The following TDRD9 variants were observed in gnomAD, a reference collection of about 807,000 sequenced individuals.
TDRD9 encodes the protein tudor domain containing 9, also known as ATP-dependent RNA helicase TDRD9.
A neutral mutation model predicts 172.6 loss-of-function variants in TDRD9; 124 were observed. The observed-to-expected ratio is 0.72, with a 90% CI of 0.62 to 0.83. The LOEUF is 0.83. TDRD9 is among the 40% of genes least tolerant of loss of function. The pLI, the probability that TDRD9 is intolerant of heterozygous loss-of-function variation, is 0.00. For missense variants in TDRD9, 1,479 were observed against 1,714.1 expected (o/e 0.86, Z 2.42); for synonymous variants, 619 against 617.1 (o/e 1.00, Z -0.05).
chr14:103,967,631 C>G (rs1227980989), intron 5 of TDRD9, among the ~76,000 whole-genome samples: 1 of 152,164 alleles, frequency 6.6e-6, no homozygotes, highest in East Asian at 1.9e-4. Context: ...ACAACATATA[C>G]TCCAGGCAAA....
chr14:104,034,470 G>A (rs539830214), intron 31 of TDRD9, among the ~76,000 whole-genome samples: 4 of 152,176 alleles, frequency 2.6e-5, no homozygotes, highest in African/African-American at 7.2e-5. Flanking sequence ...GATTACAGGC[G>A]TGAGCCACCG....
intron 28 of TDRD9, among the ~76,000 whole-genome samples, chr14:104,027,894 A>G (rs2035171796): frequency 6.6e-6 from 1 of 151,788 alleles, no homozygotes; most frequent in Non-Finnish European, 1.5e-5. Flanking sequence ...CCTCCTCTCT[A>G]CTTCCATTAT....
intron 1 of TDRD9, among the ~76,000 whole-genome samples, chr14:103,937,456 A>G (rs749820393): frequency 2.0e-5 from 3 of 152,136 alleles, no homozygotes; most frequent in Non-Finnish European, 4.4e-5. Context: ...CTCCGTAGCT[A>G]AAGCAGCCCT....
intron 33 of TDRD9, 60 bp downstream of exon 33, chr14:104,040,394 G>C: frequency 4.8e-6 from 7 of 1,454,930 alleles, no homozygotes; most frequent in Non-Finnish European, 6.4e-6. Flanking sequence ...TTGCTTACCT[G>C]ACAGTGAGTG....
chr14:104,001,488 C>T (rs4906400), intron 13 of TDRD9, among the ~76,000 whole-genome samples: 3,425 of 152,164 alleles, frequency 0.023, 146 homozygotes, highest in Admixed American at 0.12. Flanking sequence ...CAATTCTTGC[C>T]GTGTAAATAA....
chr14:104,032,136 T>C (rs971288264), intron 30 of TDRD9, 49 bp downstream of exon 30: 16 of 1,079,760 alleles, frequency 1.5e-5, no homozygotes, highest in Non-Finnish European at 1.9e-5. Context: ...TGCTTTTCTG[T>C]TTATAGATCT....
rs762434865 is a variant in TDRD9 at position 104,034,947 on chromosome 14, A to G, written c.3620-13A>G. On this transcript the variant is annotated splice_polypyrimidine_tract_variant and intron_variant, in intron 31 of 35. Transcript: ENST00000409874. The stretch of plus-strand genomic sequence containing the variant: ...AGTTAATGCCCGATGTTGATTTAGC[A>G]TGACTTGAACAGGATCTACGATGCT... 126 of 1,548,832 alleles carry G rather than the reference A, an allele frequency of 8.1e-5. 1 individual carries two copies. Among genetic ancestry groups the G allele is most frequent in the Non-Finnish European group, 1.1e-4 (124 of 1,144,782 alleles).
Position 104,022,296 on chromosome 14 carries a change from C to T in TDRD9, c.2572C>T (p.Gln858Ter), listed in dbSNP as rs79863141. The T allele has an allele frequency of 6.2e-7, 1 of 1,613,748 alleles. No homozygotes were observed. Among genetic ancestry groups the T allele is most frequent in the Non-Finnish European group, 8.5e-7 (1 of 1,179,832 alleles). The change falls in exon 24 of 36, where the codon CAA becomes TAA. Residue 858 changes from glutamine (Q) to a stop codon, truncating the protein, a stop_gained. Coordinates refer to ENST00000409874, the MANE Select transcript of TDRD9 (RefSeq NM_153046.3). LOFTEE classifies it high-confidence loss of function. Reference protein sequence around the residue: ...HSAEEIEGKVQGMNVSKLRNT... With the variant: ...HSAEEIEGKV ...TGCAGAGGAAATTGAAGGGAAGGTG[C>T]AAGGCATGAACGTCTCAAAGCTCAG...
At chr14:104,034,794 A>C (rs2035399033) in intron 31 of TDRD9, among the ~76,000 whole-genome samples, 166 bp from the exon 32 acceptor site, 1 of 152,210 alleles carries the variant, frequency 6.6e-6, no homozygotes, top group South Asian at 2.1e-4. Context: ...GTACTGTGGA[A>C]ACAGAGAACA....
At chr14:104,042,245 T>G in intron 34 of TDRD9, 58 bp downstream of exon 34, 3 of 1,160,554 alleles carry the variant, frequency 2.6e-6, no homozygotes, top group Non-Finnish European at 3.9e-6. Flanking sequence ...TCAGCTGCCT[T>G]GATCATGGCT....
At chr14:104,009,738 C>A (rs183681870) in intron 20 of TDRD9, among the ~76,000 whole-genome samples, 6 of 151,916 alleles carry the variant, frequency 3.9e-5, no homozygotes, top group Admixed American at 1.3e-4. Flanking sequence ...TTCTTTATAT[C>A]CTTATTCTAT....
chr14:104,014,231 C>CAA (rs370386257), intron 20 of TDRD9, among the ~76,000 whole-genome samples: 3 of 103,174 alleles, frequency 2.9e-5, no homozygotes, highest in Non-Finnish European at 6.1e-5. Flanking sequence ...GAGACTGTCT[C>CAA]AAAAAAAAAA....
intron 34 of TDRD9, 56 bp downstream of exon 34, chr14:104,042,243 C>T: frequency 8.3e-7 from 1 of 1,204,184 alleles, no homozygotes; most frequent in East Asian, 2.4e-5. Flanking sequence ...TCTCAGCTGC[C>T]TTGATCATGG....
intron 1 of TDRD9, among the ~76,000 whole-genome samples, chr14:103,937,160 G>C (rs939169673): frequency 6.6e-6 from 1 of 152,174 alleles, no homozygotes; most frequent in African/African-American, 2.4e-5. Context: ...GCACATGTGT[G>C]ATCTCCTGTG....
In TDRD9 at chr14:104,032,087, G is replaced by C; in HGVS notation, c.3509G>C (p.Arg1170Thr). The C allele has an allele frequency of 6.5e-7, 1 of 1,539,034 alleles. No homozygotes were observed. The highest frequency in any genetic ancestry group is 8.8e-7 in the Non-Finnish European group (1 of 1,141,920). The change falls in exon 30 of 36, where the codon AGG becomes ACG. Residue 1170 changes from arginine (R) to threonine (T), a missense_variant and splice_region_variant. Coordinates refer to ENST00000409874, the MANE Select transcript of TDRD9 (RefSeq NM_153046.3). The part of the protein sequence containing the change: ...CHSLTRISKF[R>T]CVWIEKESIN... ...AGTTTGACCAGAATATCCAAATTCA[G>C]GTATGATTAACTTAAGTTTTCCATG...
At chr14:103,959,158 G>A (rs1320216390) in intron 2 of TDRD9, among the ~76,000 whole-genome samples, 1 of 152,170 alleles carries the variant, frequency 6.6e-6, no homozygotes, top group Non-Finnish European at 1.5e-5. Context: ...CTTTGACAGA[G>A]GATGGCAGTG....
chr14:103,986,767 G>C (rs1350985334), intron 8 of TDRD9, among the ~76,000 whole-genome samples: 1 of 152,146 alleles, frequency 6.6e-6, no homozygotes, highest in Non-Finnish European at 1.5e-5. Context: ...TTGAAAATTG[G>C]AACATTTTCC....
chr14:103,979,438 G>A (rs887020275), intron 7 of TDRD9, among the ~76,000 whole-genome samples: 3 of 152,224 alleles, frequency 2.0e-5, no homozygotes, highest in African/African-American at 7.2e-5. Flanking sequence ...ACTGGCCTCT[G>A]CTCAGGGAGC....
At chr14:103,981,373 A>G (rs1198044853) in intron 7 of TDRD9, among the ~76,000 whole-genome samples, 3 of 152,214 alleles carry the variant, frequency 2.0e-5, no homozygotes. Context: ...AGGCCTTGCC[A>G]CTTGCTGTCT....
Sources: allele counts gnomAD v4.1 joint callset (sites outside exome capture counted in the v4.1 genomes callset), GRCh38; gene constraint gnomAD v4.1.1; transcripts MANE v1.5; gene names NCBI Gene and HGNC (gene_info 2026-07-23, HGNC 2026-07-21).